The following TTC6 variants were observed in gnomAD, a reference collection of about 807,000 sequenced individuals.
TTC6 encodes tetratricopeptide repeat protein 6.
In TTC6, 172 loss-of-function variants were observed where a neutral mutation model predicts 210.4. That is an observed-to-expected ratio of 0.82 (90% CI 0.72 to 0.93). The LOEUF (loss-of-function observed/expected upper bound fraction) is 0.93, where lower values mean the gene tolerates loss of function less well. Ranked by LOEUF, TTC6 falls within the 40% of genes least tolerant of loss-of-function variation. The pLI is 0.00. For missense variants in TTC6, 2,414 were observed against 2,318.1 expected, an observed-to-expected ratio of 1.04 and a Z score of -0.85; for synonymous variants, 804 against 819.6, an observed-to-expected ratio of 0.98 and a Z score of 0.32.
At chr14:37,824,964 A>G (rs1226244313) in intron 27 of TTC6, among the ~76,000 whole-genome samples, 2 of 152,148 alleles carry the variant, frequency 1.3e-5, no homozygotes, top group East Asian at 1.9e-4. Context: ...AGGAGAAGTG[A>G]CATCAAATTT....
At position 37,666,619 on chromosome 14, in the gene TTC6, A is replaced by G. The variant is rs1276993328; in HGVS notation, c.940-13532A>G. Among the ~76,000 whole-genome samples the G allele has an allele frequency of 2.7e-5, 4 of 150,234 alleles. No homozygotes were observed. The East Asian group carries it at 7.8e-4, about 29-fold the overall frequency. On this transcript the variant is annotated intron_variant, in intron 1 of 30. Coordinates refer to ENST00000553443, the Ensembl canonical transcript of TTC6. ...GGCTCTTTTGTCAAACTGCCCATTA[A>G]CTCCCTTAGGAGAGAAAGGGATGGG...
chr14:37,739,078 A>G (rs1160600338), exon 10 of TTC6: 2 of 1,532,662 alleles, frequency 1.3e-6, no homozygotes, highest in Non-Finnish European at 1.7e-6. Context: ...AGAAGATGAG[A>G]TGGAAGAAAA....
chr14:37,804,846 T>A, intron 21 of TTC6, 32 bp downstream of exon 23: 1 of 1,606,874 alleles, frequency 6.2e-7, no homozygotes, highest in Non-Finnish European at 8.5e-7. Context: ...ATAGATTATT[T>A]GTGATTTTAG....
chr14:37,675,645 A>G (rs1417970202), intron 1 of TTC6, among the ~76,000 whole-genome samples: 1 of 151,932 alleles, frequency 6.6e-6, no homozygotes, highest in Non-Finnish European at 1.5e-5. Flanking sequence ...TTGAGGAACC[A>G]CCAAACCTTT....
chr14:37,675,277 A>G (rs891570638), intron 1 of TTC6, among the ~76,000 whole-genome samples: 1 of 152,096 alleles, frequency 6.6e-6, no homozygotes, highest in Non-Finnish European at 1.5e-5. Context: ...TTTGTTTTCT[A>G]TAGATTTACC....
intron 2 of TTC6, among the ~76,000 whole-genome samples, chr14:37,608,540 C>T (rs531294224): frequency 6.6e-6 from 1 of 152,092 alleles, no homozygotes; most frequent in African/African-American, 2.4e-5. Context: ...CTCCTGGGCT[C>T]AAGTGATTCT....
chr14:37,780,126 A>T (rs990359042), intron 14 of TTC6, among the ~76,000 whole-genome samples: 3 of 152,260 alleles, frequency 2.0e-5, no homozygotes, highest in Non-Finnish European at 4.4e-5. Context: ...TTTTAAGTTC[A>T]GAAACATATA....
chr14:37,608,551 A>G (rs1002159444), intron 2 of TTC6, among the ~76,000 whole-genome samples: 15 of 152,174 alleles, frequency 9.9e-5, no homozygotes, highest in African/African-American at 3.6e-4. Context: ...AAGTGATTCT[A>G]TTGCCTTGGC....
At position 37,696,643 on chromosome 14, in the gene TTC6, C is replaced by T. The variant is rs937397503; in HGVS notation, c.1258-74C>T. 23 of 643,810 alleles carry T rather than the reference C, an allele frequency of 3.6e-5. No individual in the cohort carries two copies. The East Asian group carries it at 3.6e-4, about 10-fold the overall frequency. 39.9% of individuals were successfully genotyped at this position (643,810 alleles called of 1,614,324 possible). ...TCTGGAGTTTAAATATTAGGTGACT[C>T]GCTAAATATGAGAGAAAGATCTAAC... On this transcript the variant is annotated intron_variant, in intron 3 of 30. Transcript: ENST00000553443.
intron 27 of TTC6, 107 bp downstream of exon 29, chr14:37,824,064 T>C: frequency 9.4e-7 from 1 of 1,062,054 alleles, no homozygotes; most frequent in South Asian, 1.6e-5. Flanking sequence ...GTTATGAACA[T>C]TTACCTTTTC....
At chr14:37,740,662 T>C (rs1435545669) in intron 10 of TTC6, among the ~76,000 whole-genome samples, 1 of 152,252 alleles carries the variant, frequency 6.6e-6, no homozygotes, top group Non-Finnish European at 1.5e-5. Context: ...TCTCGTGTTC[T>C]CTGTATACTA....
At chr14:37,622,528 C>T (rs1229556070) in exon 1 of TTC6, 2 of 1,535,030 alleles carry the variant, frequency 1.3e-6, no homozygotes, top group East Asian at 2.5e-5. Flanking sequence ...CTGCCTCCGC[C>T]CGAGCCACCC....
intron 1 of TTC6, among the ~76,000 whole-genome samples, chr14:37,675,421 T>C (rs2138510051): frequency 6.6e-6 from 1 of 152,238 alleles, no homozygotes; most frequent in East Asian, 1.9e-4. Context: ...ATTTTGTTGG[T>C]TGAATGGTAT....
intron 24 of TTC6, 35 bp downstream of exon 26, chr14:37,808,881 A>T: frequency 9.2e-7 from 1 of 1,090,494 alleles, no homozygotes; most frequent in Non-Finnish European, 1.3e-6. Flanking sequence ...ATGTGTTTAA[A>T]GTGTTTAATA....
intron 1 of TTC6, among the ~76,000 whole-genome samples, chr14:37,629,399 T>A (rs2095665593): frequency 6.6e-6 from 1 of 152,194 alleles, no homozygotes; most frequent in South Asian, 2.1e-4. Flanking sequence ...ATGATTTGGC[T>A]CTCTGTTTGT....
intron 4 of TTC6, among the ~76,000 whole-genome samples, chr14:37,699,722 G>A (rs1418919559): frequency 6.6e-6 from 1 of 152,112 alleles, no homozygotes; most frequent in Admixed American, 6.6e-5. Flanking sequence ...CCTGTGCGGG[G>A]GAGAAACTCA....
intron 14 of TTC6, among the ~76,000 whole-genome samples, chr14:37,776,081 C>T (rs1393660988): frequency 2.9e-5 from 2 of 68,164 alleles, no homozygotes; most frequent in South Asian, 4.7e-4. Flanking sequence ...GACGGAGTCT[C>T]GCTCTGTCGC....
intron 1 of TTC6, among the ~76,000 whole-genome samples, chr14:37,668,431 C>G (rs1308766522): frequency 2.7e-5 from 4 of 150,300 alleles, no homozygotes; most frequent in Admixed American, 1.3e-4. Context: ...CAGCTCTGTT[C>G]CATGTGGCAC....
chr14:37,840,489 A>G, intron 29 of TTC6, among the ~76,000 whole-genome samples: 1 of 152,196 alleles, frequency 6.6e-6, no homozygotes, highest in East Asian at 1.9e-4. Flanking sequence ...AACTCATTTT[A>G]TGAGGCCAGC....
Sources: allele counts gnomAD v4.1 joint callset (sites outside exome capture counted in the v4.1 genomes callset), GRCh38; gene constraint gnomAD v4.1.1; transcripts MANE v1.5; gene names NCBI Gene and HGNC (gene_info 2026-07-23, HGNC 2026-07-21).